The following SV2C variants were observed in gnomAD, a reference collection of about 807,000 sequenced individuals.
SV2C encodes the protein synaptic vesicle glycoprotein 2C, also known as solute carrier family 22 member B3.
SV2C carries 49 observed loss-of-function variants against 79.7 expected under a neutral mutation model. The observed-to-expected ratio is 0.61, with a 90% CI of 0.49 to 0.78. The LOEUF (loss-of-function observed/expected upper bound fraction) is 0.78, where lower values mean the gene tolerates loss of function less well. Ranked by LOEUF, SV2C falls within the 30% of genes least tolerant of loss-of-function variation. SV2C has a pLI of 0.00. For synonymous variants in SV2C, 334 were observed against 333.2 expected, an observed-to-expected ratio of 1.00 and a Z score of -0.03; for missense variants, 833 against 912.9, an observed-to-expected ratio of 0.91 and a Z score of 1.13.
chr5:75,997,106 A>T, the SV2C span, among the ~76,000 whole-genome samples: 2 of 151,130 alleles, frequency 1.3e-5, no homozygotes, highest in Non-Finnish European at 3.0e-5. Flanking sequence ...ATGCAGTATG[A>T]TATTGGCTGT....
chr5:76,186,876 C>T (rs183500027), intron 2 of SV2C, among the ~76,000 whole-genome samples: 8 of 152,252 alleles, frequency 5.3e-5, no homozygotes, highest in Admixed American at 5.2e-4. Flanking sequence ...ATCATGAGAA[C>T]AGAATGAGGG....
intron 4 of SV2C, among the ~76,000 whole-genome samples, chr5:76,276,981 T>C (rs535798010): frequency 6.6e-6 from 1 of 152,172 alleles, no homozygotes; most frequent in East Asian, 1.9e-4. Flanking sequence ...AAAGTAGGAA[T>C]GAATGAACAA....
At position 76,330,669 on chromosome 5, in the gene SV2C, G is replaced by A. The variant is rs958745560; in HGVS notation, c.*5122G>A. On this transcript the variant is annotated 3_prime_UTR_variant, in exon 13 of 13. Transcript: ENST00000502798. ...ATTGAGATAACCTTTGATGAGAGGAGAAAGCTCCTTGATTACCTGGTTTTT... is the reference window on the plus strand; with the variant it reads ...ATTGAGATAACCTTTGATGAGAGGAAAAAGCTCCTTGATTACCTGGTTTTT... The A allele has an allele frequency of 2.6e-5, 4 of 151,980 alleles. No homozygotes were observed. Among genetic ancestry groups the A allele is most frequent in the African/African-American group, 7.3e-5 (3 of 41,336 alleles). The allele number at this position is 151,980 out of a possible 1,614,324, so 9.4% of individuals were successfully genotyped here.
intron 4 of SV2C, among the ~76,000 whole-genome samples, chr5:76,232,090 C>T (rs1745439727): frequency 1.3e-5 from 2 of 149,732 alleles, no homozygotes; most frequent in Non-Finnish European, 2.9e-5. Flanking sequence ...CACATCCTCT[C>T]CAGCACCTGT....
the SV2C span, among the ~76,000 whole-genome samples, chr5:75,854,471 A>T: frequency 8.5e-3 from 1,291 of 152,268 alleles, 25 homozygotes; most frequent in African/African-American, 0.029. Flanking sequence ...TTAAACTTGC[A>T]TTTCCCTAAT....
At chr5:75,898,760 T>A in the SV2C span, among the ~76,000 whole-genome samples, 3 of 152,210 alleles carry the variant, frequency 2.0e-5, no homozygotes, top group East Asian at 1.9e-4. Context: ...GTTATTGGTC[T>A]ATTCAGAGAT....
chr5:76,149,011 G>T (rs984679109), intron 2 of SV2C, among the ~76,000 whole-genome samples: 16 of 152,160 alleles, frequency 1.1e-4, no homozygotes, highest in Non-Finnish European at 5.9e-5. Context: ...AGTTAGGGTT[G>T]CCAGATGCTT....
chr5:76,270,189 T>G (rs1746798003), intron 4 of SV2C, among the ~76,000 whole-genome samples: 1 of 152,246 alleles, frequency 6.6e-6, no homozygotes, highest in Non-Finnish European at 1.5e-5. Flanking sequence ...CTATGATTCA[T>G]ATAACCTGAA....
chr5:75,880,844 A>G, the SV2C span, among the ~76,000 whole-genome samples: 2 of 152,196 alleles, frequency 1.3e-5, no homozygotes, highest in African/African-American at 2.4e-5. Flanking sequence ...TTGCATTGCT[A>G]TAAAGAAATA....
At chr5:76,258,737 G>A (rs749266829) in intron 4 of SV2C, among the ~76,000 whole-genome samples, 2 of 152,062 alleles carry the variant, frequency 1.3e-5, no homozygotes, top group Non-Finnish European at 2.9e-5. Context: ...ACAGTTCAAT[G>A]GATTTTGACA....
chr5:76,228,642 A>T (rs1452212220), intron 4 of SV2C, among the ~76,000 whole-genome samples: 1 of 152,126 alleles, frequency 6.6e-6, no homozygotes, highest in Non-Finnish European at 1.5e-5. Context: ...GTAGGGGAGA[A>T]ACACCCCTCA....
intron 12 of SV2C, among the ~76,000 whole-genome samples, chr5:76,305,816 A>G (rs1748172878): frequency 6.6e-6 from 1 of 152,264 alleles, no homozygotes; most frequent in African/African-American, 2.4e-5. Context: ...AAACAGATGC[A>G]TGGTGACATT....
intron 4 of SV2C, among the ~76,000 whole-genome samples, chr5:76,229,502 G>T (rs1169259965): frequency 6.6e-6 from 1 of 152,332 alleles, no homozygotes; most frequent in Admixed American, 6.5e-5. Context: ...TAGGAGCCAT[G>T]TCAGCTGACC....
At chr5:76,149,807 T>C (rs1041532120) in intron 2 of SV2C, among the ~76,000 whole-genome samples, 1 of 152,230 alleles carries the variant, frequency 6.6e-6, no homozygotes, top group Non-Finnish European at 1.5e-5. Flanking sequence ...TAATCACATT[T>C]ACAGCTTCAA....
chr5:76,071,454 T>G, the SV2C span, among the ~76,000 whole-genome samples: 1 of 152,180 alleles, frequency 6.6e-6, no homozygotes, highest in Non-Finnish European at 1.5e-5. Flanking sequence ...AAACCAAACT[T>G]GGGACTGGGA....
rs561829828 is a variant in SV2C, at chr5:76,339,170, T to G, written c.2001-13960T>G. Among the ~76,000 whole-genome samples, 8 of 151,996 alleles carry G rather than the reference T, an allele frequency of 5.3e-5. 1 individual carries two copies. In the South Asian group the frequency reaches 1.7e-3, roughly 32 times the overall value. Reference sequence around the variant, plus strand: ...AAAGTAACTAGAATGAGAAAAGAGGTCCTCACAATTTACGCATTTTAAAAA... The same window carrying G: ...AAAGTAACTAGAATGAGAAAAGAGGGCCTCACAATTTACGCATTTTAAAAA... On this transcript the variant is annotated intron_variant, in intron 12 of 12. Transcript: ENST00000322285.
chr5:76,060,613 T>A, the SV2C span, among the ~76,000 whole-genome samples: 2 of 152,136 alleles, frequency 1.3e-5, no homozygotes, highest in Admixed American at 1.3e-4. Context: ...GGGCTTTGTC[T>A]TAAGGCAATG....
intron 2 of SV2C, among the ~76,000 whole-genome samples, chr5:76,136,625 A>T (rs1235215549): frequency 2.0e-5 from 3 of 152,184 alleles, no homozygotes; most frequent in Non-Finnish European, 4.4e-5. Flanking sequence ...ATGAAAACTC[A>T]TCTAGGAATT....
At chr5:76,134,849 A>G (rs58097208) in intron 2 of SV2C, among the ~76,000 whole-genome samples, 2,923 of 152,334 alleles carry the variant, frequency 0.019, 112 homozygotes, top group African/African-American at 0.065. Context: ...AAGTCTATTT[A>G]TTAAGCACTT....
Sources: allele counts gnomAD v4.1 joint callset (sites outside exome capture counted in the v4.1 genomes callset), GRCh38; gene constraint gnomAD v4.1.1; transcripts MANE v1.5; gene names NCBI Gene and HGNC (gene_info 2026-07-23, HGNC 2026-07-21).